The following KIF18A variants were observed in gnomAD, a reference collection of about 807,000 sequenced individuals.
KIF18A encodes the protein kinesin family member 18A.
Under a neutral mutation model 103.3 loss-of-function variants are expected in KIF18A, and 67 were observed. That is an observed-to-expected ratio of 0.65 (90% CI 0.53 to 0.79). The LOEUF (loss-of-function observed/expected upper bound fraction) is 0.79, where lower values mean the gene tolerates loss of function less well. KIF18A is among the 30% of genes least tolerant of loss of function. KIF18A has a pLI of 0.00. For missense variants in KIF18A, 1,032 were observed against 1,062.5 expected, an observed-to-expected ratio of 0.97 and a Z score of 0.40; for synonymous variants, 367 against 355.5, an observed-to-expected ratio of 1.03 and a Z score of -0.36.
intron 16 of KIF18A, among the ~76,000 whole-genome samples, chr11:28,023,130 C>G (rs1032571413): frequency 6.6e-6 from 1 of 152,122 alleles, no homozygotes; most frequent in Non-Finnish European, 1.5e-5. Context: ...GGCCTGAAAA[C>G]TGGCTGGCAT....
chr11:28,026,047 C>G (rs1294938955), intron 15 of KIF18A, among the ~76,000 whole-genome samples: 1 of 151,690 alleles, frequency 6.6e-6, no homozygotes, highest in Non-Finnish European at 1.5e-5. Context: ...ATCCAAAACT[C>G]TGATTAATAT....
At chr11:28,028,755 A>G (rs914011596) in intron 15 of KIF18A, among the ~76,000 whole-genome samples, 2 of 152,046 alleles carry the variant, frequency 1.3e-5, no homozygotes, top group South Asian at 2.1e-4. Context: ...TTTTTTGAAA[A>G]GATCAACAAA....
chr11:28,083,186 T>G lies in KIF18A; in HGVS notation c.1132A>C (p.Asn378His). Residue 378 changes from asparagine (N) to histidine (H), a missense_variant, in exon 8 of 17, where the codon AAT (asparagine) becomes CAT (histidine). By Grantham distance (68) the Asn-to-His change is moderately conservative. Coordinates refer to ENST00000263181, the MANE Select transcript of KIF18A (RefSeq NM_031217.4). ...AGACATACCTCTGCCTTCTGCTCAT[T>G]ACAGATCTTTACATATTGAGTTATA... ...NHITQYVKIC[N>H]EQKAEILLLK... is the part of the protein sequence containing the mutation. 1.3e-6 allele frequency: 2 copies of G among 1,572,498 alleles called. No individual in the cohort carries two copies. Among genetic ancestry groups the G allele is most frequent in the Non-Finnish European group, 1.7e-6 (2 of 1,168,284 alleles).
chr11:28,046,064 A>G (rs1270125205), intron 13 of KIF18A, among the ~76,000 whole-genome samples: 19 of 150,440 alleles, frequency 1.3e-4, no homozygotes, highest in South Asian at 4.2e-4. Flanking sequence ...GAGAGGATGT[A>G]GAGAAATAGG....
At chr11:28,071,679 G>C (rs1851016822) in intron 10 of KIF18A, among the ~76,000 whole-genome samples, 1 of 151,800 alleles carries the variant, frequency 6.6e-6, no homozygotes, top group Non-Finnish European at 1.5e-5. Context: ...AAGCAGAAAG[G>C]GGTCCTGAAA....
At chr11:28,071,466 A>G (rs1590694863) in intron 10 of KIF18A, among the ~76,000 whole-genome samples, 1 of 149,374 alleles carries the variant, frequency 6.7e-6, no homozygotes, top group South Asian at 2.1e-4. Context: ...ACATTTAATT[A>G]TTTATAATTT....
chr11:28,067,302 T>C (rs773347256), intron 11 of KIF18A, among the ~76,000 whole-genome samples: 4 of 152,122 alleles, frequency 2.6e-5, no homozygotes, highest in Non-Finnish European at 5.9e-5. Context: ...TTTATCAAGA[T>C]ATTTTGAGGT....
rs149517975 is a variant in KIF18A at position 28,040,590 on chromosome 11, C to T, written c.1949-3926G>A. 1.5e-4 allele frequency among the ~76,000 whole-genome samples: 22 copies of T among 151,688 alleles called. No homozygotes were observed. The East Asian group carries it at 3.9e-3, about 27-fold the overall frequency. ...ATAGATGATGATAGCCCATAAAATA[C>T]CCTAGCAACGTGGGTGCTACACAGA... On this transcript the variant is annotated intron_variant, in intron 13 of 16. Coordinates refer to ENST00000263181, the MANE Select transcript of KIF18A (RefSeq NM_031217.4).
chr11:28,061,137 A>G (rs757686042), intron 12 of KIF18A, among the ~76,000 whole-genome samples: 2 of 152,204 alleles, frequency 1.3e-5, no homozygotes, highest in Non-Finnish European at 2.9e-5. Flanking sequence ...TAACACAGGA[A>G]TTATATCATG....
At chr11:28,083,820 T>C (rs577297511) in intron 7 of KIF18A, among the ~76,000 whole-genome samples, 49 of 152,212 alleles carry the variant, frequency 3.2e-4, no homozygotes, top group Middle Eastern at 3.4e-3. Context: ...GTTACAAACC[T>C]TTCTGTACAC....
chr11:28,033,265 G>A (rs73434479), intron 15 of KIF18A, among the ~76,000 whole-genome samples: 201 of 151,770 alleles, frequency 1.3e-3, no homozygotes, highest in African/African-American at 4.6e-3. Context: ...TCATGGGGAT[G>A]TAAATTAGTA....
intron 13 of KIF18A, among the ~76,000 whole-genome samples, chr11:28,048,287 T>A (rs929390316): frequency 3.9e-5 from 6 of 152,120 alleles, no homozygotes; most frequent in Non-Finnish European, 8.8e-5. Flanking sequence ...AGGAAATAAT[T>A]AGGCAAGTTG....
chr11:28,075,819 GT>G (rs1230380699), intron 10 of KIF18A, among the ~76,000 whole-genome samples: 2 of 152,130 alleles, frequency 1.3e-5, no homozygotes, highest in South Asian at 2.1e-4. Flanking sequence ...GGTATCATTG[GT>G]TTGATAATGT....
At chr11:28,068,056 T>C (rs905616917) in intron 11 of KIF18A, among the ~76,000 whole-genome samples, 1 of 152,160 alleles carries the variant, frequency 6.6e-6, no homozygotes, top group Non-Finnish European at 1.5e-5. Context: ...AGAAAAGGTA[T>C]ATTGCACATA....
At chr11:28,049,505 T>C (rs200139792) in intron 13 of KIF18A, among the ~76,000 whole-genome samples, 6 of 152,006 alleles carry the variant, frequency 3.9e-5, no homozygotes, top group Non-Finnish European at 7.4e-5. Context: ...AAAGGAAGAA[T>C]GCGGTATTTA....
At chr11:28,094,009 G>A (rs906805665) in intron 3 of KIF18A, among the ~76,000 whole-genome samples, 1 of 152,092 alleles carries the variant, frequency 6.6e-6, no homozygotes, top group South Asian at 2.1e-4. Context: ...ACTAATCAAC[G>A]GCTTAAGCCT....
intron 13 of KIF18A, among the ~76,000 whole-genome samples, chr11:28,043,808 G>GA (rs1850595072): frequency 6.6e-6 from 1 of 151,266 alleles, no homozygotes. Flanking sequence ...GTTAACACAG[G>GA]TTTATAGCTC....
intron 13 of KIF18A, among the ~76,000 whole-genome samples, chr11:28,057,838 AAT>A (rs1850801487): frequency 6.6e-6 from 1 of 152,210 alleles, no homozygotes. Context: ...ACAATAAAAA[AAT>A]GAGGTAGATT....
In KIF18A at chr11:28,107,554, C is replaced by A. The variant is rs1851547003; in HGVS notation, c.-47+510G>T. 1.3e-5 allele frequency among the ~76,000 whole-genome samples: 2 copies of A among 152,192 alleles called. 1 individual carries two copies. Among genetic ancestry groups the A allele is most frequent in the African/African-American group, 4.8e-5 (2 of 41,446 alleles). On this transcript the variant is annotated intron_variant, in intron 1 of 16. Transcript: ENST00000263181. ...GCTTTTATCTCGATGCTACCTACAA[C>A]TGGGGCTCAGGAGGGGTTCCCGATT...
Sources: allele counts gnomAD v4.1 joint callset (sites outside exome capture counted in the v4.1 genomes callset), GRCh38; gene constraint gnomAD v4.1.1; transcripts MANE v1.5; gene names NCBI Gene and HGNC (gene_info 2026-07-23, HGNC 2026-07-21).